The following GBE1 variants were observed in gnomAD, a reference collection of about 807,000 sequenced individuals.
GBE1 encodes the protein 1,4-alpha-glucan branching enzyme 1, also known as 1,4-alpha-glucan-branching enzyme.
In GBE1, 70 loss-of-function variants were observed where a neutral mutation model predicts 88.8. The observed-to-expected ratio is 0.79, with a 90% CI of 0.65 to 0.96. GBE1 has a LOEUF of 0.96. Ranked by LOEUF, GBE1 falls within the 40% of genes least tolerant of loss-of-function variation. The probability of loss-of-function intolerance (pLI) is 0.00; values close to 1 mark genes in which losing one functional copy is unlikely to be tolerated. For synonymous variants in GBE1, 284 were observed against 300.1 expected (o/e 0.95, Z 0.56); for missense variants, 872 against 871.0 (o/e 1.00, Z -0.01).
chr3:81,711,556 T>C (rs994489093), intron 1 of GBE1, among the ~76,000 whole-genome samples: 3 of 152,144 alleles, frequency 2.0e-5, no homozygotes, highest in Non-Finnish European at 4.4e-5. Flanking sequence ...CATTGGTCTA[T>C]ATCTCTGTTT....
rs78772009 is a variant in GBE1 at position 81,566,329 on chromosome 3, A to C, written c.1618+11596T>G. ...CAATTTCTAGGTATTTGTCATAGAC[A>C]TCAGTGGTTTTGAAAGTCCCCAGGT... On this transcript the variant is annotated intron_variant, in intron 12 of 15. Transcript: ENST00000429644. Among the ~76,000 whole-genome samples the C allele has an allele frequency of 6.0e-3, 919 of 152,314 alleles. 6 individuals are homozygous for C. Among genetic ancestry groups the C allele is most frequent in the African/African-American group, 0.018 (730 of 41,574 alleles).
intron 1 of GBE1, among the ~76,000 whole-genome samples, chr3:81,737,804 A>C (rs1706290141): frequency 6.6e-6 from 1 of 152,086 alleles, no homozygotes; most frequent in Non-Finnish European, 1.5e-5. Flanking sequence ...CACAATGCGC[A>C]GGTTAGTTAC....
At chr3:81,519,278 G>A (rs1702841051) in intron 14 of GBE1, among the ~76,000 whole-genome samples, 1 of 151,538 alleles carries the variant, frequency 6.6e-6, no homozygotes, top group Non-Finnish European at 1.5e-5. Context: ...GTGGTTTAAT[G>A]AAAATATTTC....
At position 81,690,743 on chromosome 3, in the gene GBE1, T is replaced by C. The variant is rs537805193; in HGVS notation, c.313+14701A>G. Among the ~76,000 whole-genome samples the C allele has an allele frequency of 4.6e-5, 7 of 152,336 alleles. No homozygotes were observed. In the South Asian group the frequency reaches 1.2e-3, roughly 27 times the overall value. ...ATAAAAGGGTTAAACCATTTATGAC[T>C]GTCTTTATTTTGTTTCTATTTTATT... is the stretch of plus-strand genomic sequence containing the variant. On this transcript the variant is annotated intron_variant, in intron 2 of 15. Transcript: ENST00000429644.
chr3:81,541,054 CTG>C (rs1378673228), intron 12 of GBE1, among the ~76,000 whole-genome samples: 1 of 151,966 alleles, frequency 6.6e-6, no homozygotes, highest in Non-Finnish European at 1.5e-5. Context: ...TGAGGTCACG[CTG>C]TTGCTGCTTG....
At chr3:81,531,213 T>C (rs925499951) in intron 14 of GBE1, among the ~76,000 whole-genome samples, 1 of 151,878 alleles carries the variant, frequency 6.6e-6, no homozygotes, top group Non-Finnish European at 1.5e-5. Context: ...AGGTCTCTCC[T>C]TTCAGGGCAG....
At chr3:81,629,162 A>G (rs1198512529) in intron 7 of GBE1, among the ~76,000 whole-genome samples, 3 of 138,682 alleles carry the variant, frequency 2.2e-5, no homozygotes, top group Admixed American at 7.1e-5. Context: ...GTATCTCCCA[A>G]TGCTATCCCT....
chr3:81,752,766 C>T (rs1291575663), intron 1 of GBE1, among the ~76,000 whole-genome samples: 1 of 152,100 alleles, frequency 6.6e-6, no homozygotes, highest in Non-Finnish European at 1.5e-5. Context: ...AAAGAAGGAA[C>T]CCCCTAAAGT....
intron 1 of GBE1, among the ~76,000 whole-genome samples, chr3:81,739,314 C>A (rs1390564628): frequency 6.6e-6 from 1 of 152,144 alleles, no homozygotes; most frequent in Non-Finnish European, 1.5e-5. Context: ...TCAGCCTACC[C>A]AGCAGTGATT....
chr3:81,553,129 A>G (rs1703295488), intron 12 of GBE1, among the ~76,000 whole-genome samples: 1 of 152,194 alleles, frequency 6.6e-6, no homozygotes, highest in South Asian at 2.1e-4. Context: ...AGAGCTATAA[A>G]AAGAATGTAC....
At chr3:81,680,520 T>G (rs912774683) in intron 2 of GBE1, among the ~76,000 whole-genome samples, 10 of 151,800 alleles carry the variant, frequency 6.6e-5, no homozygotes, top group African/African-American at 2.2e-4. Flanking sequence ...AAAAGAAAAT[T>G]TCTCCAATTT....
At position 81,705,544 on chromosome 3, in the gene GBE1, T is replaced by G. The variant is rs755590449; in HGVS notation, c.213A>C (p.Arg71Ser). ...TGTGGACGCCAAATGATTCATAGCCTCTGGAAAACTTATCAATACCACCTT... is the reference window on the plus strand; with the variant it reads ...TGTGGACGCCAAATGATTCATAGCCGCTGGAAAACTTATCAATACCACCTT... The part of the protein sequence containing the change: ...ENEGGIDKFS[R>S]GYESFGVHRC... The change falls in exon 2 of 16, where the codon AGA becomes AGC. Residue 71 changes from arginine to serine, a missense_variant. Arg to Ser is a moderately radical substitution (Grantham distance 110). Coordinates refer to ENST00000429644, the MANE Select transcript of GBE1 (RefSeq NM_000158.4). The G allele has an allele frequency of 1.1e-5, 18 of 1,595,494 alleles. No individual in the cohort carries two copies. Among genetic ancestry groups the G allele is most frequent in the Non-Finnish European group, 1.5e-5 (18 of 1,170,006 alleles).
At chr3:81,753,176 A>C (rs192642183) in intron 1 of GBE1, among the ~76,000 whole-genome samples, 1 of 152,310 alleles carries the variant, frequency 6.6e-6, no homozygotes, top group African/African-American at 2.4e-5. Context: ...CTACATAATC[A>C]TGTGTTTAAC....
At chr3:81,563,689 A>G (rs1387858977) in intron 12 of GBE1, among the ~76,000 whole-genome samples, 2 of 152,096 alleles carry the variant, frequency 1.3e-5, no homozygotes, top group African/African-American at 4.8e-5. Flanking sequence ...TGAAACTTTG[A>G]AGTGCTTATA....
chr3:81,578,133 A>G, intron 11 of GBE1, 37 bp from the exon 12 acceptor site: 1 of 1,491,474 alleles, frequency 6.7e-7, no homozygotes, highest in Non-Finnish European at 9.0e-7. Flanking sequence ...AATGAAAAAA[A>G]AAAGTGCTAA....
At chr3:81,624,078 G>C (rs1338314565) in intron 7 of GBE1, among the ~76,000 whole-genome samples, 2 of 152,202 alleles carry the variant, frequency 1.3e-5, no homozygotes, top group East Asian at 3.8e-4. Context: ...CTGACTCACA[G>C]TTCCACATAG....
At chr3:81,529,545 T>A (rs1006216925) in intron 14 of GBE1, among the ~76,000 whole-genome samples, 2 of 151,652 alleles carry the variant, frequency 1.3e-5, no homozygotes, top group African/African-American at 2.4e-5. Context: ...AGTCTTAATT[T>A]CTCCTTCATA....
intron 15 of GBE1, among the ~76,000 whole-genome samples, chr3:81,496,331 G>A (rs537755016): frequency 4.7e-4 from 71 of 152,282 alleles, no homozygotes; most frequent in African/African-American, 1.4e-3. Flanking sequence ...ACGCTAGAAC[G>A]GTACCTGCTG....
chr3:81,564,255 T>C (rs551999320), intron 12 of GBE1, among the ~76,000 whole-genome samples: 6 of 152,174 alleles, frequency 3.9e-5, no homozygotes, highest in African/African-American at 1.2e-4. Flanking sequence ...CTAGCTTAGA[T>C]GGATGAAAAA....
Sources: gnomAD v4.1 joint callset for allele counts (sites outside exome capture counted in the v4.1 genomes callset) on GRCh38, gnomAD v4.1.1 for gene constraint, MANE v1.5 for transcripts, NCBI Gene and HGNC (gene_info 2026-07-23, HGNC 2026-07-21) for gene names.